Variants in STAMBPL1 observed in about 807,000 individuals in gnomAD.
STAMBPL1 encodes AMSH-like protease.
A neutral mutation model predicts 52.9 loss-of-function variants in STAMBPL1; 44 were observed. The observed-to-expected ratio is 0.83, with a 90% confidence interval of 0.65 to 1.07. STAMBPL1 has a LOEUF of 1.07. STAMBPL1 is among the 50% of genes least tolerant of loss of function. The pLI, the probability that STAMBPL1 is intolerant of heterozygous loss-of-function variation, is 0.00. For missense variants in STAMBPL1, 511 were observed against 520.8 expected, an observed-to-expected ratio of 0.98 and a Z score of 0.18; for synonymous variants, 164 against 177.3, an observed-to-expected ratio of 0.92 and a Z score of 0.60.
chr10:88,910,692 A>C (rs982687522), intron 4 of STAMBPL1, among the ~76,000 whole-genome samples: 4 of 152,200 alleles, frequency 2.6e-5, no homozygotes, highest in African/African-American at 9.6e-5. Context: ...TTATCCAATC[A>C]GTGGGGCCAA....
At chr10:88,900,242 C>T (rs116435751) in intron 1 of STAMBPL1, among the ~76,000 whole-genome samples, 2,525 of 152,218 alleles carry the variant, frequency 0.017, 54 homozygotes, top group African/African-American at 0.057. Context: ...TCTAGAATCA[C>T]TGAATATTAT....
chr10:88,880,777 G>A (rs985570785), intron 1 of STAMBPL1, 139 bp downstream of exon 1: 11 of 152,282 alleles, frequency 7.2e-5, no homozygotes, highest in Non-Finnish European at 1.3e-4. Context: ...TCTAGGGGAG[G>A]AAAAAATGCA....
intron 1 of STAMBPL1, among the ~76,000 whole-genome samples, chr10:88,887,065 G>A (rs1041282625): frequency 6.6e-6 from 1 of 152,140 alleles, no homozygotes; most frequent in South Asian, 2.1e-4. Flanking sequence ...TGAAAGGTTG[G>A]TTTATAAATT....
rs771126052 is a variant in STAMBPL1, at chr10:88,908,750, A to G, written c.297A>G (p.Ala99=). 3.7e-6 allele frequency: 6 copies of G among 1,608,946 alleles called. No homozygotes were observed. The highest frequency in any genetic ancestry group is 5.1e-6 in the Non-Finnish European group (6 of 1,178,202). ...ACCATCGAGATTACCAGCAATGTGC[A>G]GTACCTGAAAAGCAGGATATTATGA... ...LPNHRDYQQC[A]VPEKQDIMKK... The change falls in exon 4 of 11, where the codon GCA becomes GCG. Residue 99 remains alanine (A), a synonymous_variant. Coordinates refer to ENST00000371926, the MANE Select transcript of STAMBPL1 (RefSeq NM_020799.4).
At chr10:88,913,708 G>GA (rs145810498) in intron 6 of STAMBPL1, among the ~76,000 whole-genome samples, 28,765 of 152,058 alleles carry the variant, frequency 0.19, 2,955 homozygotes, top group African/African-American at 0.26. Context: ...TTTTGTCATT[G>GA]ACAGAGGTTT....
chr10:88,895,414 A>T (rs1215344506), intron 1 of STAMBPL1, among the ~76,000 whole-genome samples: 1 of 152,192 alleles, frequency 6.6e-6, no homozygotes, highest in African/African-American at 2.4e-5. Flanking sequence ...AGTGGTGGCT[A>T]GGGGATAGAT....
intron 1 of STAMBPL1, chr10:88,893,983 C>G (rs1035001206): frequency 6.6e-6 from 1 of 152,072 alleles, no homozygotes; most frequent in African/African-American, 2.4e-5. Flanking sequence ...CTTAGAGTCC[C>G]TGCTCTGTCA....
chr10:88,901,652 A>G lies in STAMBPL1; in HGVS notation c.-53-4A>G. ...TTTAGTTCTGCTTCTTGTTTTTGAAACAGATGAAGTGATTGAGAAGAAACA... is the reference window on the plus strand; with the variant it reads ...TTTAGTTCTGCTTCTTGTTTTTGAAGCAGATGAAGTGATTGAGAAGAAACA... On this transcript the variant is annotated splice_region_variant and splice_polypyrimidine_tract_variant and intron_variant, in intron 1 of 10. Transcript: ENST00000371926. 3 of 1,562,596 alleles carry G rather than the reference A, an allele frequency of 1.9e-6. No individual in the cohort carries two copies. The South Asian group carries it at 3.5e-5, about 18-fold the overall frequency.
chr10:88,901,438 C>T, intron 1 of STAMBPL1: 1 of 333,272 alleles, frequency 3.0e-6, no homozygotes, highest in Non-Finnish European at 5.5e-6. Flanking sequence ...GAATTATTTT[C>T]ACACCTTCAC....
intron 6 of STAMBPL1, 25 bp downstream of exon 6, chr10:88,913,483 G>A (rs1845283110): frequency 6.3e-7 from 1 of 1,577,694 alleles, no homozygotes; most frequent in Non-Finnish European, 8.7e-7. Context: ...GCACCCATGT[G>A]AGACACTGAG....
intron 1 of STAMBPL1, among the ~76,000 whole-genome samples, chr10:88,890,340 G>A (rs1248477708): frequency 6.6e-6 from 1 of 152,178 alleles, no homozygotes; most frequent in Non-Finnish European, 1.5e-5. Flanking sequence ...GATCACTACA[G>A]GTAGATTCTT....
At position 88,908,794 on chromosome 10, in the gene STAMBPL1, T is replaced by C; in HGVS notation, c.324+17T>C. 6.3e-7 allele frequency: 1 copy of C among 1,589,680 alleles called. No homozygotes were observed. Among genetic ancestry groups the C allele is most frequent in the Non-Finnish European group, 8.6e-7 (1 of 1,167,680 alleles). On this transcript the variant is annotated intron_variant, in intron 4 of 10. Transcript: ENST00000371926. ...ATTATGAAGGTATTGTGGGTTTTCT[T>C]CTCCACTGTGGAATCAAATGCTCCA...
intron 1 of STAMBPL1, among the ~76,000 whole-genome samples, chr10:88,899,438 A>G (rs965373268): frequency 5.3e-5 from 8 of 152,162 alleles, no homozygotes; most frequent in African/African-American, 1.9e-4. Context: ...CTATCCTAAT[A>G]TTTTCAACCT....
Position 88,910,833 on chromosome 10 carries a change from C to A in STAMBPL1, c.325-83C>A, listed in dbSNP as rs540071822. 6 of 906,516 alleles carry A rather than the reference C, an allele frequency of 6.6e-6. No individual in the cohort carries two copies. In the East Asian group the frequency reaches 1.8e-4, roughly 27 times the overall value. The allele number at this position is 906,516 out of a possible 1,614,324, so 56.2% of individuals were successfully genotyped here. A position where few individuals can be genotyped will look rare whatever the true frequency, so the allele number is the denominator to read the frequency against. On this transcript the variant is annotated intron_variant, in intron 4 of 10. Transcript: ENST00000371926. ...ATGACTTTATTTGCAGTATACCTAC[C>A]AGCTGTTTTTCTTTCTCACCTGATG...
chr10:88,922,441 GTA>G lies in STAMBPL1; in HGVS notation c.1254+6_1254+7del. The G allele has an allele frequency of 6.2e-7, 1 of 1,612,630 alleles. No homozygotes were observed. Among genetic ancestry groups the G allele is most frequent in the Non-Finnish European group, 8.5e-7 (1 of 1,179,174 alleles). On this transcript the variant is annotated splice_donor_region_variant and intron_variant, in intron 10 of 10. Transcript: ENST00000371926. ...AAGGAGCCCAGGCTGTTCAGTGTGAGTACATCATATTAGTTATTTTTCCAGGT... is the reference window on the plus strand; with the variant it reads ...AAGGAGCCCAGGCTGTTCAGTGTGAGCATCATATTAGTTATTTTTCCAGGT...
chr10:88,901,969 A>G (rs1844953908), intron 2 of STAMBPL1, among the ~76,000 whole-genome samples: 1 of 152,244 alleles, frequency 6.6e-6, no homozygotes, highest in Admixed American at 6.5e-5. Context: ...TTATCTAGCT[A>G]GATTCCAGGA....
At chr10:88,897,409 A>G (rs1049343515) in intron 1 of STAMBPL1, among the ~76,000 whole-genome samples, 1 of 152,172 alleles carries the variant, frequency 6.6e-6, no homozygotes, top group Non-Finnish European at 1.5e-5. Context: ...AAAAAAAATG[A>G]TGATGTCTTT....
chr10:88,910,766 T>C, intron 4 of STAMBPL1, 150 bp from the exon 5 acceptor site: 1 of 507,102 alleles, frequency 2.0e-6, no homozygotes, highest in Non-Finnish European at 3.4e-6. Flanking sequence ...TTTGGACCCA[T>C]AAAAAAGAGA....
At chr10:88,903,787 T>TC (rs1351740791) in intron 2 of STAMBPL1, among the ~76,000 whole-genome samples, 8 of 152,172 alleles carry the variant, frequency 5.3e-5, no homozygotes, top group Non-Finnish European at 1.5e-5. Context: ...GTTCAGAAAC[T>TC]CCAATTTCTG....
Sources: gnomAD v4.1 joint callset for allele counts (sites outside exome capture counted in the v4.1 genomes callset) on GRCh38, gnomAD v4.1.1 for gene constraint, MANE v1.5 for transcripts, NCBI Gene and HGNC (gene_info 2026-07-23, HGNC 2026-07-21) for gene names.